Variants in BCOR observed in about 807,000 individuals in gnomAD.
BCOR encodes the protein BCL6 corepressor, also known as BCL-6 corepressor.
In BCOR, 10 loss-of-function variants were observed where a neutral mutation model predicts 86.7. The ratio of observed to expected loss-of-function variants is 0.12; its 90% confidence interval spans 0.07 to 0.20. The LOEUF (loss-of-function observed/expected upper bound fraction) is 0.20. Among genes scored for constraint, BCOR ranks in the 10% least tolerant of loss-of-function variants. The pLI, the probability that BCOR is intolerant of heterozygous loss-of-function variation, is 1.00. For synonymous variants in BCOR, 611 were observed against 609.0 expected (o/e 1.00, Z -0.05); for missense variants, 1,259 against 1,452.1 (o/e 0.87, Z 2.16).
At chrX:40,066,924 C>A (rs1352227902) in intron 6 of BCOR, among the ~76,000 whole-genome samples, 2 of 72,432 alleles carry the variant, frequency 2.8e-5, no homozygotes, top group Non-Finnish European at 5.1e-5. Context: ...CAGAGACACC[C>A]CCCCCCCCCC....
At chrX:40,139,398 T>TATA (rs1555935910) in intron 1 of BCOR, among the ~76,000 whole-genome samples, 1 of 15,428 alleles carries the variant, frequency 6.5e-5, no homozygotes, top group African/African-American at 1.1e-3. Context: ...TATATACATA[T>TATA]ATATATATAT....
intron 14 of BCOR, among the ~76,000 whole-genome samples, chrX:40,052,677 G>A (rs935803127): frequency 1.3e-4 from 13 of 101,368 alleles, no homozygotes; most frequent in East Asian, 6.9e-4. Flanking sequence ...CCATTCTCCC[G>A]CCTCAGCCTC....
chrX:40,128,178 T>A (rs1265491803), intron 1 of BCOR, among the ~76,000 whole-genome samples: 1 of 110,594 alleles, frequency 9.0e-6, no homozygotes. Context: ...TGAGCTGAGA[T>A]CACACCACCG....
At chrX:40,068,433 G>C (rs895391833) in intron 6 of BCOR, among the ~76,000 whole-genome samples, 1 of 112,039 alleles carries the variant, frequency 8.9e-6, no homozygotes. Context: ...CTGCTGTCCT[G>C]GAAGAGAAGT....
At chrX:40,123,811 G>C (rs1179646084) in intron 1 of BCOR, among the ~76,000 whole-genome samples, 1 of 110,502 alleles carries the variant, frequency 9.0e-6, no homozygotes, top group African/African-American at 3.3e-5. Flanking sequence ...GTGTGTGTGT[G>C]TGTGTGTGTG....
In BCOR at chrX:40,073,915, G is replaced by A; in HGVS notation, c.1431C>T (p.Leu477=). The A allele has an allele frequency of 2.5e-6, 3 of 1,212,331 alleles. No individual in the cohort carries two copies. Among genetic ancestry groups the A allele is most frequent in the Non-Finnish European group, 3.3e-6 (3 of 895,643 alleles). ...VHSRAGSGLV[L]SGSEIPKETL... ...TTTCTTTCGGAATCTCACTTCCGGA[G>A]AGCACTAAGCCACTTCCAGCCCTGC... The change falls in exon 4 of 15, where the codon CTC becomes CTT. Residue 477 remains leucine, a synonymous_variant. Coordinates refer to ENST00000378444, the MANE Select transcript of BCOR (RefSeq NM_001123385.2).
chrX:40,139,140 G>A (rs1329334108), intron 1 of BCOR, among the ~76,000 whole-genome samples: 5 of 106,231 alleles, frequency 4.7e-5, no homozygotes, highest in Non-Finnish European at 9.6e-5. Context: ...GGAGGAGGGG[G>A]ATGAACAAGC....
At chrX:40,101,071 T>C (rs999950610), upstream of BCOR, among the ~76,000 whole-genome samples, 6 of 106,526 alleles carry the variant, frequency 5.6e-5, no homozygotes, top group Non-Finnish European at 9.7e-5. Flanking sequence ...CCCGAGGCGC[T>C]ATAAGGCAGA....
intron 10 of BCOR, among the ~76,000 whole-genome samples, chrX:40,058,205 GT>G (rs2146938784): frequency 8.9e-6 from 1 of 112,507 alleles, no homozygotes; most frequent in South Asian, 3.7e-4. Flanking sequence ...CTTCTTTGGC[GT>G]GTTAAAACAT....
chrX:40,076,885 A>C (rs1032011719), intron 2 of BCOR: 18 of 329,737 alleles, frequency 5.5e-5, no homozygotes, highest in Non-Finnish European at 1.1e-4. Flanking sequence ...GCCAACCCTT[A>C]TAAACTCTCC....
Position 40,077,825 on chromosome X carries a change from C to T in BCOR, c.86+19G>A, listed in dbSNP as rs1222964499. 8.3e-7 allele frequency: 1 copy of T among 1,204,188 alleles called. No individual in the cohort carries two copies. The highest frequency in any genetic ancestry group is 1.8e-5 in the South Asian group (1 of 56,802). On this transcript the variant is annotated intron_variant, in intron 2 of 14. Coordinates refer to ENST00000378444, the MANE Select transcript of BCOR (RefSeq NM_001123385.2). ...GGGCGTGGGCTCCACTCAGGCCCGG[C>T]CCAGATGGGCGCATTCACCTGTCTT...
chrX:40,062,077 A>T, intron 10 of BCOR, 62 bp downstream of exon 10: 1 of 1,154,906 alleles, frequency 8.7e-7, no homozygotes, highest in Non-Finnish European at 1.2e-6. Flanking sequence ...CCCCTCGCCC[A>T]CCACAGTCCG....
At chrX:40,126,569 C>T (rs1937547194) in intron 1 of BCOR, among the ~76,000 whole-genome samples, 1 of 105,562 alleles carries the variant, frequency 9.5e-6, no homozygotes, top group Admixed American at 1.0e-4. Context: ...ACGAAAACAA[C>T]AACAAAAAAG....
chrX:40,164,508 C>T (rs1938476147), intron 1 of BCOR, among the ~76,000 whole-genome samples: 1 of 111,945 alleles, frequency 8.9e-6, no homozygotes, highest in Admixed American at 9.4e-5. Flanking sequence ...TTCTGAAATC[C>T]CTGTAGGACA....
intron 1 of BCOR, among the ~76,000 whole-genome samples, chrX:40,162,467 G>A (rs1313683080): frequency 9.0e-6 from 1 of 111,416 alleles, no homozygotes; most frequent in Non-Finnish European, 1.9e-5. Context: ...AGGCTAGGGT[G>A]AACCAGATAC....
At chrX:40,102,379 T>C (rs900317255), upstream of BCOR, among the ~76,000 whole-genome samples, 1 of 113,153 alleles carries the variant, frequency 8.8e-6, no homozygotes, top group Non-Finnish European at 1.9e-5. Flanking sequence ...TGGTTGGGTG[T>C]CGACCAAATG....
intron 1 of BCOR, among the ~76,000 whole-genome samples, chrX:40,112,789 G>C (rs1937332719): frequency 9.0e-6 from 1 of 111,432 alleles, no homozygotes; most frequent in African/African-American, 3.3e-5. Flanking sequence ...CTTGTAGCGG[G>C]TGCTAGGGAA....
intron 1 of BCOR, among the ~76,000 whole-genome samples, chrX:40,107,103 G>A (rs1937203913): frequency 8.9e-6 from 1 of 112,647 alleles, no homozygotes; most frequent in Non-Finnish European, 1.9e-5. Flanking sequence ...GGGGAGGGAA[G>A]AGAAAGTGTT....
chrX:40,087,248 A>T lies in BCOR; in HGVS notation c.-40-9279T>A, dbSNP rs184785439. ...TTTCGGAAATTGCCCAACTCACTAA[A>T]TACTTACTGGCCGCCCCACTGATCA... On this transcript the variant is annotated intron_variant, in intron 1 of 14. Transcript: ENST00000378444. Among the ~76,000 whole-genome samples, 4 of 113,002 alleles carry T rather than the reference A, an allele frequency of 3.5e-5. No homozygotes were observed. In the East Asian group the frequency reaches 8.3e-4, roughly 24 times the overall value.
Sources: gnomAD v4.1 joint callset for allele counts (sites outside exome capture counted in the v4.1 genomes callset) on GRCh38, gnomAD v4.1.1 for gene constraint, MANE v1.5 for transcripts, NCBI Gene and HGNC (gene_info 2026-07-23, HGNC 2026-07-21) for gene names.